The following MCTP1 variants were observed in gnomAD, a reference collection of about 807,000 sequenced individuals.
MCTP1 encodes the protein multiple C2 and transmembrane domain containing 1, also known as multiple C2 and transmembrane domain-containing protein 1.
A neutral mutation model predicts 120.6 loss-of-function variants in MCTP1; 69 were observed. The observed-to-expected ratio is 0.57, with a 90% CI of 0.47 to 0.70. The LOEUF is 0.70. Ranked by LOEUF, MCTP1 falls within the 30% of genes least tolerant of loss-of-function variation. The probability of loss-of-function intolerance (pLI) is 0.00; values close to 1 mark genes in which losing one functional copy is unlikely to be tolerated. For synonymous variants in MCTP1, 529 were observed against 493.1 expected (o/e 1.07, Z -0.96); for missense variants, 1,203 against 1,248.8 (o/e 0.96, Z 0.55).
chr5:95,135,247 G>A (rs974002099), intron 1 of MCTP1, among the ~76,000 whole-genome samples: 2 of 152,180 alleles, frequency 1.3e-5, no homozygotes, highest in African/African-American at 4.8e-5. Flanking sequence ...CAACTTTTCA[G>A]TCAGGGACCA....
intron 1 of MCTP1, among the ~76,000 whole-genome samples, chr5:95,026,382 G>C (rs1839262457): frequency 6.6e-6 from 1 of 151,684 alleles, no homozygotes; most frequent in Non-Finnish European, 1.5e-5. Context: ...GCAAATTCTA[G>C]ATCTTATTCA....
At chr5:94,903,880 T>TA (rs1317160499) in intron 10 of MCTP1, among the ~76,000 whole-genome samples, 1 of 152,202 alleles carries the variant, frequency 6.6e-6, no homozygotes, top group Non-Finnish European at 1.5e-5. Context: ...TGCACATTCA[T>TA]AAAAACAACT....
intron 2 of MCTP1, among the ~76,000 whole-genome samples, chr5:94,990,717 T>A (rs1487287585): frequency 5.3e-5 from 8 of 152,354 alleles, no homozygotes; most frequent in African/African-American, 1.4e-4. Flanking sequence ...GAGGGAATTA[T>A]ACAAAGACAT....
chr5:94,986,043 A>G (rs1336163733), intron 2 of MCTP1, among the ~76,000 whole-genome samples: 1 of 152,210 alleles, frequency 6.6e-6, no homozygotes. Context: ...ATAAAGTAGA[A>G]AAATATGAAA....
At chr5:94,841,064 G>C (rs1017538082) in intron 17 of MCTP1, among the ~76,000 whole-genome samples, 4 of 152,328 alleles carry the variant, frequency 2.6e-5, no homozygotes, top group African/African-American at 4.8e-5. Context: ...GGGTGCCAAA[G>C]GAGATAGAAA....
Position 94,916,083 on chromosome 5 carries a change from T to G in MCTP1, c.1350+1813A>C, listed in dbSNP as rs1296698379. ...TAAGTGATGTTTTCTTCTTCAATAATTTTTGTTCAAAATGGTACTTCTCTA... is the reference window on the plus strand; with the variant it reads ...TAAGTGATGTTTTCTTCTTCAATAAGTTTTGTTCAAAATGGTACTTCTCTA... On this transcript the variant is annotated intron_variant, in intron 8 of 22. Coordinates refer to ENST00000515393, the MANE Select transcript of MCTP1 (RefSeq NM_024717.7). 3.3e-5 allele frequency among the ~76,000 whole-genome samples: 5 copies of G among 152,200 alleles called. No individual in the cohort carries two copies. In the East Asian group the frequency reaches 9.6e-4, roughly 29 times the overall value.
At chr5:94,795,546 T>G (rs1022994390) in intron 18 of MCTP1, among the ~76,000 whole-genome samples, 1 of 152,216 alleles carries the variant, frequency 6.6e-6, no homozygotes, top group Non-Finnish European at 1.5e-5. Context: ...TCCCAGGTTT[T>G]GAAGTGACAG....
chr5:94,794,243 AT>A (rs1291928058), intron 18 of MCTP1, among the ~76,000 whole-genome samples: 1 of 152,220 alleles, frequency 6.6e-6, no homozygotes, highest in Non-Finnish European at 1.5e-5. Flanking sequence ...ACATTGAAGA[AT>A]TTTTTTGTGT....
intron 17 of MCTP1, among the ~76,000 whole-genome samples, chr5:94,804,594 A>T (rs1781914557): frequency 6.6e-6 from 1 of 151,812 alleles, no homozygotes. Context: ...GCCCGCCACC[A>T]CGCCCGGCTA....
chr5:95,154,909 T>G lies in MCTP1; in HGVS notation c.720+128947A>C, dbSNP rs533963590. Among the ~76,000 whole-genome samples the G allele has an allele frequency of 3.9e-5, 6 of 152,220 alleles. No homozygotes were observed. The South Asian group carries it at 1.2e-3, about 32-fold the overall frequency. ...TGATGGATATCTTATTTAGAGTTTT[T>G]TCAACATATAAGGAAAAACTGATTA... is the stretch of plus-strand genomic sequence containing the variant. On this transcript the variant is annotated intron_variant, in intron 1 of 22. Coordinates refer to ENST00000515393, the MANE Select transcript of MCTP1 (RefSeq NM_024717.7).
chr5:94,867,399 G>C (rs1461297859), intron 17 of MCTP1: 1 of 1,383,720 alleles, frequency 7.2e-7, no homozygotes, highest in African/African-American at 1.4e-5. Flanking sequence ...GGAAGACAGA[G>C]CTCAAAGTAC....
intron 2 of MCTP1, among the ~76,000 whole-genome samples, chr5:95,002,649 C>T (rs309809): frequency 0.92 from 140,423 of 152,256 alleles, 65,417 homozygotes; most frequent in East Asian, 1. Flanking sequence ...GGGAGTATTT[C>T]ACCCAATGCC....
At chr5:94,951,937 C>T (rs923323786) in intron 3 of MCTP1, among the ~76,000 whole-genome samples, 7 of 151,904 alleles carry the variant, frequency 4.6e-5, no homozygotes, top group Middle Eastern at 3.2e-3. Flanking sequence ...TTTGGGAGGC[C>T]GAGGAGCACA....
At chr5:95,228,028 CT>C (rs1754478538) in intron 1 of MCTP1, among the ~76,000 whole-genome samples, 1 of 152,016 alleles carries the variant, frequency 6.6e-6, no homozygotes, top group South Asian at 2.1e-4. Context: ...AGCACTTTTG[CT>C]TATAAAAAAT....
At chr5:95,056,478 C>G (rs1256773946) in intron 1 of MCTP1, among the ~76,000 whole-genome samples, 1 of 152,116 alleles carries the variant, frequency 6.6e-6, no homozygotes, top group African/African-American at 2.4e-5. Context: ...ATCTGAATGA[C>G]ATTTTAAAAC....
chr5:95,170,869 G>T lies in MCTP1; in HGVS notation c.720+112987C>A, dbSNP rs1334289999. ...TGGGTCTTGGCTCTTTATCCAATTT[G>T]CCAGTCTGTGTCTTTTAATTGGAGC... On this transcript the variant is annotated intron_variant, in intron 1 of 22. Coordinates refer to ENST00000515393, the MANE Select transcript of MCTP1 (RefSeq NM_024717.7). Among the ~76,000 whole-genome samples, 3 of 152,154 alleles carry T rather than the reference G, an allele frequency of 2.0e-5. No homozygotes were observed. The South Asian group carries it at 6.2e-4, about 32-fold the overall frequency.
At chr5:95,259,134 C>T (rs1184079159) in intron 1 of MCTP1, among the ~76,000 whole-genome samples, 1 of 152,162 alleles carries the variant, frequency 6.6e-6, no homozygotes, top group African/African-American at 2.4e-5. Context: ...AGAAGCCAAC[C>T]ACAGTCAATG....
intron 1 of MCTP1, among the ~76,000 whole-genome samples, chr5:95,035,679 A>G (rs1841166962): frequency 1.3e-5 from 2 of 152,144 alleles, no homozygotes; most frequent in South Asian, 4.1e-4. Context: ...TATACAATAC[A>G]ATCATGTAAC....
chr5:95,014,387 T>C (rs2153662841), intron 2 of MCTP1, among the ~76,000 whole-genome samples: 1 of 152,238 alleles, frequency 6.6e-6, no homozygotes, highest in Middle Eastern at 3.4e-3. Flanking sequence ...GTTCAAGACT[T>C]CAGTGGAGGA....
Sources: gnomAD v4.1 joint callset for allele counts (sites outside exome capture counted in the v4.1 genomes callset) on GRCh38, gnomAD v4.1.1 for gene constraint, MANE v1.5 for transcripts, NCBI Gene and HGNC (gene_info 2026-07-23, HGNC 2026-07-21) for gene names.